The following EHMT1 variants were observed in gnomAD, a reference collection of about 807,000 sequenced individuals.
EHMT1 encodes histone-lysine N-methyltransferase EHMT1.
In EHMT1, 15 loss-of-function variants were observed where a neutral mutation model predicts 147.2. The ratio of observed to expected loss-of-function variants is 0.10; its 90% confidence interval spans 0.07 to 0.16. EHMT1 has a LOEUF of 0.16. Ranked by LOEUF, EHMT1 falls within the 10% of genes least tolerant of loss-of-function variation. EHMT1 has a pLI of 1.00. For missense variants in EHMT1, 1,587 were observed against 1,772.4 expected (o/e 0.90, Z 1.88); for synonymous variants, 795 against 709.6 (o/e 1.12, Z -1.91).
chr9:137,754,912 G>T (rs1295040095), intron 8 of EHMT1, among the ~76,000 whole-genome samples: 1 of 152,196 alleles, frequency 6.6e-6, no homozygotes, highest in Non-Finnish European at 1.5e-5. Flanking sequence ...CCCACGTTGT[G>T]TGCAGGAAGC....
intron 3 of EHMT1, among the ~76,000 whole-genome samples, chr9:137,718,042 G>A (rs890943966): frequency 6.9e-6 from 1 of 145,186 alleles, no homozygotes. Context: ...ATTTTCACAC[G>A]CAGGGTGCGC....
At chr9:137,621,924 TTCTCA>T (rs764054735) in intron 1 of EHMT1, among the ~76,000 whole-genome samples, 72 of 152,032 alleles carry the variant, frequency 4.7e-4, no homozygotes, top group Non-Finnish European at 7.7e-4. Flanking sequence ...AAAAAAGCTG[TTCTCA>T]TCTCCTGTCT....
chr9:137,810,574 T>G (rs1406975185), intron 18 of EHMT1, among the ~76,000 whole-genome samples: 1 of 152,248 alleles, frequency 6.6e-6, no homozygotes, highest in Non-Finnish European at 1.5e-5. Flanking sequence ...TTGCACATAT[T>G]TTTTCAGAAT....
chr9:137,628,877 T>C (rs1172799567), intron 1 of EHMT1, among the ~76,000 whole-genome samples: 1 of 152,240 alleles, frequency 6.6e-6, no homozygotes, highest in African/African-American at 2.4e-5. Context: ...CTGAAAGAGC[T>C]GTGTAGGTTT....
intron 1 of EHMT1, among the ~76,000 whole-genome samples, chr9:137,705,671 G>A (rs1396632818): frequency 2.0e-5 from 3 of 152,202 alleles, no homozygotes; most frequent in South Asian, 2.1e-4. Context: ...TGCAACCCAC[G>A]CGGAAGGGGA....
intron 19 of EHMT1, among the ~76,000 whole-genome samples, chr9:137,812,692 C>T (rs768148217): frequency 6.6e-6 from 1 of 152,252 alleles, no homozygotes; most frequent in Non-Finnish European, 1.5e-5. Flanking sequence ...TGCTTCCCTT[C>T]TTATCCTTGA....
chr9:137,798,752 A>G, intron 16 of EHMT1, 61 bp from the exon 17 acceptor site: 1 of 1,391,014 alleles, frequency 7.2e-7, no homozygotes, highest in Non-Finnish European at 1.0e-6. Context: ...TCCCGCACTC[A>G]GGGCTGGCAC....
intron 3 of EHMT1, among the ~76,000 whole-genome samples, chr9:137,723,611 T>C (rs1263487254): frequency 6.6e-6 from 1 of 151,992 alleles, no homozygotes; most frequent in Non-Finnish European, 1.5e-5. Context: ...TCTGTGGTTC[T>C]GGGCCTGTGG....
intron 10 of EHMT1, among the ~76,000 whole-genome samples, chr9:137,768,348 T>G (rs868415583): frequency 2.2e-4 from 13 of 59,940 alleles, no homozygotes; most frequent in East Asian, 1.2e-3. Context: ...TTTCTGTGTG[T>G]TTTTTTTTTT....
chr9:137,655,280 G>C (rs756658918), intron 1 of EHMT1, among the ~76,000 whole-genome samples: 2 of 152,168 alleles, frequency 1.3e-5, no homozygotes, highest in Admixed American at 1.3e-4. Context: ...GCCTCCCAAA[G>C]TGCTGGGATT....
Position 137,834,987 on chromosome 9 carries a change from G to A in EHMT1, c.*34G>A, listed in dbSNP as rs1327613381. Reference sequence around the variant, plus strand: ...CGGCCAGCGGGGCGCTCGGGAGCCAGGGACCGCCGCGTCGCCGATTAGAGG... The same window carrying A: ...CGGCCAGCGGGGCGCTCGGGAGCCAAGGACCGCCGCGTCGCCGATTAGAGG... On this transcript the variant is annotated 3_prime_UTR_variant, in exon 27 of 27. Coordinates refer to ENST00000460843, the MANE Select transcript of EHMT1 (RefSeq NM_024757.5). 8.7e-6 allele frequency: 12 copies of A among 1,376,916 alleles called. No homozygotes were observed. In the East Asian group the frequency reaches 2.4e-4, roughly 27 times the overall value. 85.3% of individuals were successfully genotyped at this position (1,376,916 alleles called of 1,614,324 possible).
intron 8 of EHMT1, 110 bp downstream of exon 8, chr9:137,754,401 C>A: frequency 6.9e-7 from 1 of 1,442,782 alleles, no homozygotes; most frequent in Non-Finnish European, 9.4e-7. Flanking sequence ...AAGAGGGCAT[C>A]ACTGTTTAAA....
At chr9:137,802,617 T>G in intron 18 of EHMT1, 1 of 406,344 alleles carries the variant, frequency 2.5e-6, no homozygotes, top group Non-Finnish European at 4.3e-6. Flanking sequence ...TGCCATTCAT[T>G]GTTGGCACGG....
Position 137,782,254 on chromosome 9 carries a change from C to T in EHMT1, c.2276-37C>T, listed in dbSNP as rs756798332. 114 of 1,564,474 alleles carry T rather than the reference C, an allele frequency of 7.3e-5. No homozygotes were observed. The highest frequency in any genetic ancestry group is 3.0e-4 in the South Asian group (26 of 87,768). Reference sequence around the variant, plus strand: ...AGTCCTGAGCTGGAGTCTGTGGCTACATCTGAAATCATTAATAAAACTGTG... The same window carrying T: ...AGTCCTGAGCTGGAGTCTGTGGCTATATCTGAAATCATTAATAAAACTGTG... On this transcript the variant is annotated intron_variant, in intron 14 of 26. Coordinates refer to ENST00000460843, the MANE Select transcript of EHMT1 (RefSeq NM_024757.5). The surrounding 1 kb of genome is among the most constrained non-coding windows in gnomAD (Gnocchi z 5.7).
At chr9:137,788,375 C>G in intron 15 of EHMT1, 1 of 329,074 alleles carries the variant, frequency 3.0e-6, no homozygotes, top group South Asian at 9.6e-5. Context: ...CTGCCAGCGC[C>G]TCAGCCGGGG....
chr9:137,799,495 C>T (rs1255497777), intron 17 of EHMT1, among the ~76,000 whole-genome samples: 1 of 152,230 alleles, frequency 6.6e-6, no homozygotes, highest in Non-Finnish European at 1.5e-5. Context: ...CCACCTGCCT[C>T]ACGAGTGAAT....
intron 1 of EHMT1, among the ~76,000 whole-genome samples, chr9:137,619,498 C>T (rs902936600): frequency 1.3e-5 from 2 of 152,116 alleles, no homozygotes; most frequent in African/African-American, 2.4e-5. Flanking sequence ...TGTCCCTCCT[C>T]TCGGAGCTCT....
At chr9:137,708,935 C>T (rs1300313922) in intron 1 of EHMT1, among the ~76,000 whole-genome samples, 1 of 152,216 alleles carries the variant, frequency 6.6e-6, no homozygotes, top group Non-Finnish European at 1.5e-5. Flanking sequence ...CTGCTGCCTG[C>T]CCCCTTCCTC....
rs989450114 is a variant in EHMT1, at chr9:137,711,071, C to T, written c.85+41C>T. Reference sequence around the variant, plus strand: ...ACCGAGGGACAGGAGCAGCGCCTCCCTCCAGACTAGAAAACCTGCTGCTCT... The same window carrying T: ...ACCGAGGGACAGGAGCAGCGCCTCCTTCCAGACTAGAAAACCTGCTGCTCT... On this transcript the variant is annotated intron_variant, in intron 2 of 26. Coordinates refer to ENST00000460843, the MANE Select transcript of EHMT1 (RefSeq NM_024757.5). 22 of 1,552,774 alleles carry T rather than the reference C, an allele frequency of 1.4e-5. No homozygotes were observed. In the East Asian group the frequency reaches 2.1e-4, roughly 15 times the overall value.
Sources: allele counts gnomAD v4.1 joint callset (sites outside exome capture counted in the v4.1 genomes callset), GRCh38; gene constraint gnomAD v4.1.1; non-coding constraint Gnocchi (gnomAD v3.1); transcripts MANE v1.5; gene names NCBI Gene and HGNC (gene_info 2026-07-23, HGNC 2026-07-21).